The following TP63 variants were observed in gnomAD, a reference collection of about 807,000 sequenced individuals.
TP63 encodes tumor protein 63.
TP63 carries 17 observed loss-of-function variants against 82.8 expected under a neutral mutation model. That is an observed-to-expected ratio of 0.21 (90% CI 0.14 to 0.31). The LOEUF is 0.31. Among genes scored for constraint, TP63 ranks in the 10% least tolerant of loss-of-function variants. The pLI is 1.00. For missense variants in TP63, 648 were observed against 895.3 expected, an observed-to-expected ratio of 0.72 and a Z score of 3.52; for synonymous variants, 330 against 321.7, an observed-to-expected ratio of 1.03 and a Z score of -0.28.
In TP63 at chr3:189,652,539, G is replaced by C. The variant is rs563054970; in HGVS notation, c.62+20962G>C. ...TGCCTTGTCTCAGATGAGACTTTGG[G>C]CTTGGACTTTTGGGTTAATGCTAGA... On this transcript the variant is annotated intron_variant, in intron 1 of 13. Coordinates refer to ENST00000264731, the MANE Select transcript of TP63 (RefSeq NM_003722.5). Among the ~76,000 whole-genome samples the C allele has an allele frequency of 1.5e-4, 22 of 146,958 alleles. 2 individuals carry two copies. The South Asian group carries it at 4.9e-3, about 33-fold the overall frequency.
At chr3:189,623,171 A>G in the TP63 span, among the ~76,000 whole-genome samples, 2 of 152,254 alleles carry the variant, frequency 1.3e-5, no homozygotes, top group African/African-American at 4.8e-5. Flanking sequence ...CCTTGTCTCA[A>G]TTGCATCTCC....
intron 10 of TP63, among the ~76,000 whole-genome samples, chr3:189,877,991 C>G (rs111829356): frequency 0.054 from 8,220 of 152,078 alleles, 252 homozygotes; most frequent in South Asian, 0.1. Context: ...CTGTGGACCA[C>G]AGGCACACCC....
chr3:189,854,278 C>T (rs1023841919), intron 4 of TP63, among the ~76,000 whole-genome samples: 2 of 152,118 alleles, frequency 1.3e-5, no homozygotes, highest in East Asian at 1.9e-4. Context: ...TTGTCCAGGC[C>T]GGAGTGCAAT....
intron 4 of TP63, among the ~76,000 whole-genome samples, chr3:189,862,033 G>A (rs1257955396): frequency 1.3e-5 from 2 of 152,116 alleles, no homozygotes; most frequent in Non-Finnish European, 2.9e-5. Context: ...CTCATTTGAT[G>A]GTGAAACCCA....
intron 12 of TP63, among the ~76,000 whole-genome samples, chr3:189,890,262 C>T (rs756754888): frequency 4.6e-5 from 7 of 152,182 alleles, no homozygotes; most frequent in Non-Finnish European, 8.8e-5. Flanking sequence ...GCATCATCAT[C>T]AGTCTCAGAC....
chr3:189,735,922 G>A (rs1030548882), intron 1 of TP63, among the ~76,000 whole-genome samples: 2 of 151,984 alleles, frequency 1.3e-5, no homozygotes, highest in African/African-American at 2.4e-5. Flanking sequence ...TTTTATCAAT[G>A]TCACTATCCC....
chr3:189,873,423 C>T, intron 10 of TP63: 1 of 252,144 alleles, frequency 4.0e-6, no homozygotes, highest in Non-Finnish European at 7.8e-6. Context: ...ACACTGTAGA[C>T]CAGGGATAGC....
At chr3:189,777,624 C>G (rs894165368) in intron 3 of TP63, among the ~76,000 whole-genome samples, 3 of 151,880 alleles carry the variant, frequency 2.0e-5, no homozygotes, top group Middle Eastern at 6.3e-3. Context: ...GGATTCAACT[C>G]CTTATCTCTT....
rs1342070812 is a variant in TP63, at chr3:189,896,042, T to C, written c.*1540T>C. On this transcript the variant is annotated 3_prime_UTR_variant, in exon 14 of 14. Coordinates refer to ENST00000264731, the MANE Select transcript of TP63 (RefSeq NM_003722.5). ...CTTAAACGAAGAGTTCCCTTGAAAC[T>C]TTGGGAAAACATGTTAATGACAATA... is the stretch of plus-strand genomic sequence containing the variant. 4 of 228,212 alleles carry C rather than the reference T, an allele frequency of 1.8e-5. No homozygotes were observed. The highest frequency in any genetic ancestry group is 1.1e-4 in the Admixed American group (2 of 17,598). The allele number at this position is 228,212 out of a possible 1,614,324, so 14.1% of individuals were successfully genotyped here.
intron 4 of TP63, among the ~76,000 whole-genome samples, chr3:189,815,302 A>G (rs895116591): frequency 6.6e-6 from 1 of 152,130 alleles, no homozygotes; most frequent in East Asian, 1.9e-4. Context: ...TCATGTAACA[A>G]ATCACTTTGG....
intron 1 of TP63, among the ~76,000 whole-genome samples, chr3:189,694,940 G>A (rs1465172103): frequency 2.0e-5 from 3 of 150,568 alleles, no homozygotes; most frequent in Non-Finnish European, 3.0e-5. Flanking sequence ...TGAGTAGCTG[G>A]GATTACACAC....
chr3:189,837,011 G>T (rs891849409), intron 4 of TP63, among the ~76,000 whole-genome samples: 1 of 152,180 alleles, frequency 6.6e-6, no homozygotes, highest in African/African-American at 2.4e-5. Flanking sequence ...CCTTTCTTGA[G>T]ATTATACCTC....
intron 2 of TP63, 85 bp downstream of exon 2, chr3:189,737,953 T>C: frequency 6.5e-7 from 1 of 1,536,448 alleles, no homozygotes; most frequent in Non-Finnish European, 9.0e-7. Flanking sequence ...TAGGGCATGT[T>C]TTTTCTAGAA....
the TP63 span, among the ~76,000 whole-genome samples, chr3:189,612,448 T>C: frequency 6.6e-6 from 1 of 152,258 alleles, no homozygotes; most frequent in Non-Finnish European, 1.5e-5. Flanking sequence ...ACCATGATTC[T>C]GAGGCCTTCC....
At chr3:189,806,080 G>C (rs1726869016) in intron 3 of TP63, among the ~76,000 whole-genome samples, 1 of 127,470 alleles carries the variant, frequency 7.8e-6, no homozygotes, top group Admixed American at 9.1e-5. Flanking sequence ...CCCTTACACG[G>C]AATTGTCCCT....
chr3:189,636,831 C>T (rs377432068), intron 1 of TP63, among the ~76,000 whole-genome samples: 4 of 152,176 alleles, frequency 2.6e-5, no homozygotes, highest in Non-Finnish European at 5.9e-5. Flanking sequence ...AGGAGCACCT[C>T]TTACCACCAC....
intron 4 of TP63, among the ~76,000 whole-genome samples, chr3:189,856,154 G>A (rs1716267375): frequency 6.6e-6 from 1 of 151,376 alleles, no homozygotes; most frequent in Admixed American, 6.6e-5. Flanking sequence ...CCTGGGAATA[G>A]CAATTAAAAA....
At chr3:189,659,270 C>A (rs1920269) in intron 1 of TP63, among the ~76,000 whole-genome samples, 66,753 of 151,668 alleles carry the variant, frequency 0.44, 16,067 homozygotes, top group Middle Eastern at 0.69. Flanking sequence ...CCCCGTATAC[C>A]CAATGATTAG....
At chr3:189,665,549 A>G (rs1234385647) in intron 1 of TP63, among the ~76,000 whole-genome samples, 9 of 152,102 alleles carry the variant, frequency 5.9e-5, no homozygotes, top group African/African-American at 2.2e-4. Flanking sequence ...GAGGGGATAT[A>G]TCTGAAGGCA....
Sources: allele counts gnomAD v4.1 joint callset (sites outside exome capture counted in the v4.1 genomes callset), GRCh38; gene constraint gnomAD v4.1.1; transcripts MANE v1.5; gene names NCBI Gene and HGNC (gene_info 2026-07-23, HGNC 2026-07-21).